Variants in NUB1 observed in about 807,000 individuals in gnomAD.
The protein encoded by NUB1 is negative regulator of ubiquitin like proteins 1.
NUB1 carries 41 observed loss-of-function variants against 77.1 expected under a neutral mutation model. The ratio of observed to expected loss-of-function variants is 0.53; its 90% CI spans 0.41 to 0.69. The LOEUF (loss-of-function observed/expected upper bound fraction) is 0.69, where lower values mean the gene tolerates loss of function less well. Ranked by LOEUF, NUB1 falls within the 30% of genes least tolerant of loss-of-function variation. NUB1 has a pLI of 0.00. For synonymous variants in NUB1, 257 were observed against 281.0 expected, an observed-to-expected ratio of 0.91 and a Z score of 0.85; for missense variants, 643 against 743.8, an observed-to-expected ratio of 0.86 and a Z score of 1.58.
At chr7:151,345,257 C>T in intron 1 of NUB1, 91 bp from the exon 2 acceptor site, 3 of 764,100 alleles carry the variant, frequency 3.9e-6, no homozygotes, top group Non-Finnish European at 6.5e-6. Context: ...GGGAGCTTTG[C>T]TTACCCAACA....
At chr7:151,349,875 A>C (rs1796702336) in intron 3 of NUB1, among the ~76,000 whole-genome samples, 1 of 152,228 alleles carries the variant, frequency 6.6e-6, no homozygotes, top group South Asian at 2.1e-4. Flanking sequence ...AAGAAAAGAC[A>C]GTTGGGCCCG....
chr7:151,370,303 G>C (rs1166821189), intron 11 of NUB1, among the ~76,000 whole-genome samples: 1 of 152,036 alleles, frequency 6.6e-6, no homozygotes, highest in Non-Finnish European at 1.5e-5. Flanking sequence ...TGGCCAGGCT[G>C]GTCTCGAACT....
chr7:151,360,275 C>A, intron 8 of NUB1, 28 bp downstream of exon 8: 1 of 1,276,432 alleles, frequency 7.8e-7, no homozygotes, highest in Non-Finnish European at 1.1e-6. Flanking sequence ...TGGTGAACAC[C>A]AGCTTTAAGG....
At position 151,376,818 on chromosome 7, in the gene NUB1, C is replaced by A; in HGVS notation, c.1669+7C>A. 1.3e-6 allele frequency: 2 copies of A among 1,574,256 alleles called. No homozygotes were observed. The highest frequency in any genetic ancestry group is 2.3e-5 in the South Asian group (2 of 86,058). ...TCCCCTTCTGACTCCGCAGGTAGGTCTGAGGTCTTTGAGGGCCGCATTGAG... is the reference window on the plus strand; with the variant it reads ...TCCCCTTCTGACTCCGCAGGTAGGTATGAGGTCTTTGAGGGCCGCATTGAG... On this transcript the variant is annotated splice_region_variant and intron_variant, in intron 14 of 14. Coordinates refer to ENST00000568733, the MANE Select transcript of NUB1 (RefSeq NM_001243351.2).
intron 3 of NUB1, among the ~76,000 whole-genome samples, chr7:151,349,672 A>G (rs1427163565): frequency 6.6e-6 from 1 of 152,188 alleles, no homozygotes; most frequent in Non-Finnish European, 1.5e-5. Context: ...ACCTCCTCTC[A>G]TTGCCATGGC....
chr7:151,368,663 T>C, intron 10 of NUB1, 72 bp from the exon 11 acceptor site: 2 of 1,469,706 alleles, frequency 1.4e-6, no homozygotes, highest in South Asian at 1.4e-5. Context: ...CTAATTTCTT[T>C]TAGGCTTTCA....
intron 4 of NUB1, chr7:151,352,280 C>T (rs1249510666): frequency 2.6e-6 from 1 of 385,750 alleles, no homozygotes; most frequent in Non-Finnish European, 5.2e-6. Context: ...CCTGAGGAAA[C>T]AAGCAGTAAA....
At chr7:151,357,655 G>A (rs1354242787) in intron 7 of NUB1, among the ~76,000 whole-genome samples, 1 of 150,954 alleles carries the variant, frequency 6.6e-6, no homozygotes, top group African/African-American at 2.4e-5. Context: ...TGTTGCCCAG[G>A]CTGGAGTGCA....
chr7:151,356,803 C>T (rs186929358), intron 7 of NUB1, among the ~76,000 whole-genome samples: 33 of 152,256 alleles, frequency 2.2e-4, no homozygotes, highest in African/African-American at 2.4e-4. Context: ...CTGCAACCTC[C>T]GCCTCCTGGG....
intron 6 of NUB1, 55 bp from the exon 7 acceptor site, chr7:151,356,072 CA>C (rs1441700595): frequency 6.4e-7 from 1 of 1,553,100 alleles, no homozygotes; most frequent in African/African-American, 1.4e-5. Context: ...TTAAGGCTGT[CA>C]TCATCATAAC....
In NUB1 at chr7:151,377,953, G is replaced by A. The variant is rs1798380226; in HGVS notation, c.*728G>A. The A allele has an allele frequency of 6.6e-6, 1 of 152,166 alleles. No homozygotes were observed. Among genetic ancestry groups the A allele is most frequent in the African/African-American group, 2.4e-5 (1 of 41,422 alleles). The allele number at this position is 152,166 out of a possible 1,614,324, so 9.4% of individuals were successfully genotyped here. ...GGGAAAGGTTTAAATGCTAACCAAA[G>A]CAATTTATTTTTAATTAATATTTTT... On this transcript the variant is annotated 3_prime_UTR_variant, in exon 15 of 15. Transcript: ENST00000568733.
intron 1 of NUB1, among the ~76,000 whole-genome samples, chr7:151,342,804 T>C (rs1340831706): frequency 6.6e-6 from 1 of 152,154 alleles, no homozygotes; most frequent in African/African-American, 2.4e-5. Flanking sequence ...TTCTGTCAAG[T>C]GGTGGCTTGG....
intron 5 of NUB1, among the ~76,000 whole-genome samples, chr7:151,353,248 GC>G (rs2150674533): frequency 6.6e-6 from 1 of 152,260 alleles, no homozygotes; most frequent in African/African-American, 2.4e-5. Context: ...CAGACTGAGA[GC>G]CTTATGTCAG....
intron 11 of NUB1, among the ~76,000 whole-genome samples, 199 bp from the exon 12 acceptor site, chr7:151,373,898 C>T (rs1798079046): frequency 6.6e-6 from 1 of 152,168 alleles, no homozygotes; most frequent in South Asian, 2.1e-4. Context: ...GCCTCAGAAG[C>T]AGCACTTCCA....
chr7:151,347,233 C>T (rs758266380), intron 2 of NUB1, among the ~76,000 whole-genome samples: 6 of 152,022 alleles, frequency 3.9e-5, no homozygotes, highest in Non-Finnish European at 5.9e-5. Context: ...TCTTTTCCTA[C>T]GTAACTATTA....
At chr7:151,359,399 C>T (rs1440734613) in intron 7 of NUB1, among the ~76,000 whole-genome samples, 2 of 150,170 alleles carry the variant, frequency 1.3e-5, no homozygotes, top group East Asian at 2.0e-4. Flanking sequence ...GTCGAGATCG[C>T]GCCACTGCAC....
intron 2 of NUB1, among the ~76,000 whole-genome samples, chr7:151,346,056 A>C (rs1448244236): frequency 6.6e-6 from 1 of 152,222 alleles, no homozygotes; most frequent in Non-Finnish European, 1.5e-5. Flanking sequence ...ATCATACTGG[A>C]ATTTCCTAGC....
intron 8 of NUB1, 141 bp from the exon 9 acceptor site, chr7:151,366,798 G>A (rs972861497): frequency 2.5e-5 from 15 of 589,576 alleles, no homozygotes; most frequent in Admixed American, 2.1e-4. Flanking sequence ...CTAAACATTA[G>A]GATCTCTCTT....
At position 151,351,916 on chromosome 7, in the gene NUB1, A is replaced by AACACACACACACACAC. The variant is rs1204427761; in HGVS notation, c.344+439_344+454dup. On this transcript the variant is annotated intron_variant, in intron 4 of 14. Coordinates refer to ENST00000568733, the MANE Select transcript of NUB1 (RefSeq NM_001243351.2). Reference sequence around the variant, plus strand: ...TTTCAGGCTGTTGGCCCATCTGTAAAACACACACACACACACACACGTTTG... The same window carrying AACACACACACACACAC: ...TTTCAGGCTGTTGGCCCATCTGTAAAACACACACACACACACACACACACACACACACACACGTTTG... 2.0e-3 allele frequency among the ~76,000 whole-genome samples: 299 copies of AACACACACACACACAC among 151,126 alleles called. 3 individuals carry two copies. The highest frequency in any genetic ancestry group is 6.3e-3 in the African/African-American group (258 of 41,014).
Sources: gnomAD v4.1 joint callset for allele counts (sites outside exome capture counted in the v4.1 genomes callset) on GRCh38, gnomAD v4.1.1 for gene constraint, MANE v1.5 for transcripts, NCBI Gene and HGNC (gene_info 2026-07-23, HGNC 2026-07-21) for gene names.